FOXN3: variants seen among roughly 807,000 people sequenced by gnomAD.
The protein encoded by FOXN3 is forkhead box protein N3.
A neutral mutation model predicts 38.4 loss-of-function variants in FOXN3; 7 were observed. The ratio of observed to expected loss-of-function variants is 0.18; its 90% CI spans 0.10 to 0.34. The LOEUF (loss-of-function observed/expected upper bound fraction) is 0.34. Among genes scored for constraint, FOXN3 ranks in the 10% least tolerant of loss-of-function variants. The pLI is 1.00. For missense variants in FOXN3, 456 were observed against 613.4 expected (o/e 0.74, Z 2.71); for synonymous variants, 230 against 242.2 (o/e 0.95, Z 0.47).
chr14:89,605,699 TTA>T (rs1374351463), intron 1 of FOXN3, among the ~76,000 whole-genome samples: 2 of 152,138 alleles, frequency 1.3e-5, no homozygotes, highest in Admixed American at 6.5e-5. Flanking sequence ...AAAAAATATA[TTA>T]TGTTTTTGTT....
chr14:89,166,209 A>G (rs1887237038), intron 5 of FOXN3, among the ~76,000 whole-genome samples: 2 of 152,224 alleles, frequency 1.3e-5, no homozygotes, highest in South Asian at 4.1e-4. Context: ...CCACACTATC[A>G]TAAGAGGAAT....
intron 1 of FOXN3, among the ~76,000 whole-genome samples, chr14:89,515,859 A>G (rs373665133): frequency 2.0e-5 from 3 of 152,248 alleles, no homozygotes; most frequent in African/African-American, 4.8e-5. Flanking sequence ...GAGCTGCAGC[A>G]TGAACCCCAT....
At chr14:89,581,581 G>A (rs895688659) in intron 1 of FOXN3, among the ~76,000 whole-genome samples, 1 of 152,128 alleles carries the variant, frequency 6.6e-6, no homozygotes, top group Non-Finnish European at 1.5e-5. Context: ...CTATTCCCCG[G>A]TACCTGCTCT....
intron 2 of FOXN3, among the ~76,000 whole-genome samples, chr14:89,351,728 C>T (rs1285455909): frequency 1.3e-5 from 2 of 152,148 alleles, no homozygotes; most frequent in Non-Finnish European, 2.9e-5. Flanking sequence ...TACTGATTTG[C>T]AGAGAAAAGA....
rs147809658 is a variant in FOXN3, at chr14:89,480,679, A to G, written c.-14-68189T>C. 2.0e-4 allele frequency among the ~76,000 whole-genome samples: 30 copies of G among 152,348 alleles called. 1 individual carries two copies. In the East Asian group the frequency reaches 5.8e-3, roughly 29 times the overall value. ...ACTTTGTACAAATAAATTTACATAA[A>G]TCATTATTAGAATGTTTTATCTTGG... is the stretch of plus-strand genomic sequence containing the variant. On this transcript the variant is annotated intron_variant, in intron 1 of 6. Transcript: ENST00000345097.
chr14:89,169,992 G>C (rs1291371890), intron 5 of FOXN3, among the ~76,000 whole-genome samples: 1 of 152,112 alleles, frequency 6.6e-6, no homozygotes, highest in Non-Finnish European at 1.5e-5. Flanking sequence ...GTTTGCAAGA[G>C]ACAATCCTAA....
At chr14:89,597,760 T>C (rs1896087464) in intron 1 of FOXN3, among the ~76,000 whole-genome samples, 1 of 152,186 alleles carries the variant, frequency 6.6e-6, no homozygotes, top group Non-Finnish European at 1.5e-5. Context: ...ATACAATCTT[T>C]CTTTTGCATG....
chr14:89,357,761 C>T (rs1359021175), intron 2 of FOXN3, among the ~76,000 whole-genome samples: 1 of 152,148 alleles, frequency 6.6e-6, no homozygotes, highest in Non-Finnish European at 1.5e-5. Flanking sequence ...TAAACATATA[C>T]TAACTGGGTT....
intron 2 of FOXN3, among the ~76,000 whole-genome samples, chr14:89,375,535 G>A (rs1051800789): frequency 6.6e-6 from 1 of 152,080 alleles, no homozygotes; most frequent in Non-Finnish European, 1.5e-5. Flanking sequence ...CTAATAGCAA[G>A]ACAGTATAAT....
intron 5 of FOXN3, among the ~76,000 whole-genome samples, chr14:89,179,977 G>C (rs976150975): frequency 8.5e-5 from 13 of 152,262 alleles, no homozygotes; most frequent in African/African-American, 3.1e-4. Context: ...CAGCTAGAGG[G>C]GCACGGAGTT....
intron 4 of FOXN3, chr14:89,230,922 G>A: frequency 2.2e-6 from 1 of 455,136 alleles, no homozygotes; most frequent in South Asian, 1.6e-5. Flanking sequence ...TCTCATTTGA[G>A]CCTCGCAGCA....
chr14:89,207,506 G>T (rs73321273), intron 4 of FOXN3, among the ~76,000 whole-genome samples: 199 of 152,304 alleles, frequency 1.3e-3, no homozygotes, highest in African/African-American at 4.5e-3. Flanking sequence ...ACATACAGAA[G>T]AAATTATATG....
At chr14:89,599,436 T>G (rs774852700) in intron 1 of FOXN3, among the ~76,000 whole-genome samples, 6 of 152,238 alleles carry the variant, frequency 3.9e-5, no homozygotes, top group Non-Finnish European at 7.3e-5. Context: ...AATTTTCAGT[T>G]CTCTGGCAGA....
In FOXN3 at chr14:89,302,241, C is replaced by T. The variant is rs189307275; in HGVS notation, c.681-21227G>A. 2.6e-3 allele frequency among the ~76,000 whole-genome samples: 392 copies of T among 152,268 alleles called. 3 individuals carry two copies. Among genetic ancestry groups the T allele is most frequent in the African/African-American group, 9.0e-3 (375 of 41,538 alleles). On this transcript the variant is annotated intron_variant, in intron 3 of 5. Transcript: ENST00000557258. The stretch of plus-strand genomic sequence containing the variant: ...AACTGAGGCAAATAATGTTGCTGAA[C>T]TTCCATGATAGCATTAAATTCGAAG...
At chr14:89,198,794 C>A (rs1215368747) in intron 4 of FOXN3, among the ~76,000 whole-genome samples, 1 of 152,200 alleles carries the variant, frequency 6.6e-6, no homozygotes, top group Admixed American at 6.5e-5. Flanking sequence ...GGCTGAGAAA[C>A]CTCACACTAA....
At chr14:89,546,329 CTTTTTTTTT>C (rs1157998619) in intron 1 of FOXN3, among the ~76,000 whole-genome samples, 1 of 78,314 alleles carries the variant, frequency 1.3e-5, no homozygotes, top group African/African-American at 5.4e-5. Flanking sequence ...TTTCCTTTTT[CTTTTTTTTT>C]TTTTTTTTTT....
intron 4 of FOXN3, among the ~76,000 whole-genome samples, chr14:89,243,336 C>A (rs1389935180): frequency 6.6e-6 from 1 of 152,206 alleles, no homozygotes; most frequent in Non-Finnish European, 1.5e-5. Context: ...GCTGTCAGAT[C>A]TTTACAACAT....
chr14:89,533,411 C>T (rs1894614567), intron 1 of FOXN3, among the ~76,000 whole-genome samples: 4 of 152,140 alleles, frequency 2.6e-5, no homozygotes, highest in South Asian at 2.1e-4. Context: ...CGCCTGTAAT[C>T]CTAGCACTTT....
At chr14:89,571,239 T>C (rs1302932301) in intron 1 of FOXN3, among the ~76,000 whole-genome samples, 1 of 152,194 alleles carries the variant, frequency 6.6e-6, no homozygotes, top group African/African-American at 2.4e-5. Context: ...CCTGGCATGG[T>C]GGCTCACGCC....
Sources: allele counts gnomAD v4.1 joint callset (sites outside exome capture counted in the v4.1 genomes callset), GRCh38; gene constraint gnomAD v4.1.1; transcripts MANE v1.5; gene names NCBI Gene and HGNC (gene_info 2026-07-23, HGNC 2026-07-21).